The following RBFOX1 variants were observed in gnomAD, a reference collection of about 807,000 sequenced individuals.
RBFOX1 encodes the protein RNA binding fox-1 homolog 1.
RBFOX1 carries 8 observed loss-of-function variants against 57.7 expected under a neutral mutation model. The ratio of observed to expected loss-of-function variants is 0.14; its 90% CI spans 0.08 to 0.25. The LOEUF is 0.25. Ranked by LOEUF, RBFOX1 falls within the 10% of genes least tolerant of loss-of-function variation. The probability of loss-of-function intolerance (pLI) is 1.00; values close to 1 mark genes in which losing one functional copy is unlikely to be tolerated. For synonymous variants in RBFOX1, 326 were observed against 222.4 expected (o/e 1.47, Z -4.15); for missense variants, 611 against 548.5 (o/e 1.11, Z -1.14).
At chr16:6,455,556 T>G (rs1350313863) in intron 2 of RBFOX1, among the ~76,000 whole-genome samples, 2 of 152,172 alleles carry the variant, frequency 1.3e-5, no homozygotes, top group African/African-American at 4.8e-5. Flanking sequence ...ATGAAAACGA[T>G]CACCATAAAA....
intron 2 of RBFOX1, among the ~76,000 whole-genome samples, chr16:6,335,411 A>G (rs1251759931): frequency 2.0e-5 from 3 of 152,188 alleles, no homozygotes; most frequent in Admixed American, 6.5e-5. Context: ...GAAATGTGCT[A>G]TTGGTAAATA....
intron 1 of RBFOX1, among the ~76,000 whole-genome samples, chr16:6,176,829 G>T (rs1322625073): frequency 6.6e-6 from 1 of 152,122 alleles, no homozygotes; most frequent in Admixed American, 6.6e-5. Context: ...CTTACTGGGG[G>T]AGTGCTTGCT....
intron 4 of RBFOX1, among the ~76,000 whole-genome samples, chr16:7,513,590 C>G (rs141565708): frequency 8.1e-4 from 123 of 152,258 alleles, no homozygotes; most frequent in African/African-American, 2.9e-3. Flanking sequence ...TGGCCTCCAC[C>G]CACTAGATGG....
At chr16:7,158,947 C>A (rs994449485) in intron 4 of RBFOX1, among the ~76,000 whole-genome samples, 36 of 151,946 alleles carry the variant, frequency 2.4e-4, no homozygotes, top group African/African-American at 8.5e-4. Flanking sequence ...TTTCATGTGG[C>A]CACCAACACA....
At chr16:6,937,401 C>CTT (rs377139239) in intron 3 of RBFOX1, among the ~76,000 whole-genome samples, 30 of 151,466 alleles carry the variant, frequency 2.0e-4, no homozygotes, top group African/African-American at 7.3e-4. Flanking sequence ...TTAATGTAGA[C>CTT]TTTTTTTTTA....
chr16:7,013,834 A>C (rs1430307702), intron 3 of RBFOX1, among the ~76,000 whole-genome samples: 1 of 152,020 alleles, frequency 6.6e-6, no homozygotes, highest in Non-Finnish European at 1.5e-5. Flanking sequence ...ATTTTTTAAA[A>C]ACTTGTAGAA....
chr16:5,999,890 AAAAAAAAAAAAAAAAAAGAG>A lies in RBFOX1; in HGVS notation c.351+132556_351+132575del, dbSNP rs2060561891. Among the ~76,000 whole-genome samples, 2 of 79,632 alleles carry A rather than the reference AAAAAAAAAAAAAAAAAAGAG, an allele frequency of 2.5e-5. 1 individual carries two copies. Among genetic ancestry groups the A allele is most frequent in the Non-Finnish European group, 5.8e-5 (2 of 34,782 alleles). 52.2% of individuals were successfully genotyped at this position (79,632 alleles called of 152,430 possible). On this transcript the variant is annotated intron_variant, in intron 4 of 19. Transcript: ENST00000641259. ...CTCAAAAAAAAAAAAAAAAAAAAAA[AAAAAAAAAAAAAAAAAAGAG>A]TGAAGAAGGGAAATCAGACAAGGAA...
intron 4 of RBFOX1, among the ~76,000 whole-genome samples, chr16:7,184,563 C>A (rs1469832961): frequency 6.6e-6 from 1 of 152,176 alleles, no homozygotes; most frequent in Non-Finnish European, 1.5e-5. Context: ...TTGGCTGTGC[C>A]TTTGTGACAA....
intron 4 of RBFOX1, among the ~76,000 whole-genome samples, chr16:7,412,171 C>G (rs968228959): frequency 1.3e-5 from 2 of 152,086 alleles, no homozygotes; most frequent in Non-Finnish European, 2.9e-5. Flanking sequence ...CCGTCGCTCA[C>G]GGCTGTAATC....
intron 4 of RBFOX1, among the ~76,000 whole-genome samples, chr16:7,293,272 A>G (rs538751982): frequency 6.6e-6 from 1 of 152,300 alleles, no homozygotes; most frequent in East Asian, 1.9e-4. Flanking sequence ...TTTGCATTGT[A>G]TTAGTAAACC....
chr16:7,367,889 C>CAG (rs2097487782), intron 4 of RBFOX1, among the ~76,000 whole-genome samples: 2 of 141,978 alleles, frequency 1.4e-5, no homozygotes, highest in Non-Finnish European at 3.1e-5. Context: ...CGTGCATACA[C>CAG]ACACACACAC....
chr16:7,527,809 T>A (rs2079039006), intron 5 of RBFOX1, among the ~76,000 whole-genome samples: 1 of 152,190 alleles, frequency 6.6e-6, no homozygotes, highest in African/African-American at 2.4e-5. Context: ...ACAGTACCCA[T>A]AATGAGAAAT....
intron 4 of RBFOX1, among the ~76,000 whole-genome samples, chr16:7,335,479 T>G (rs775399416): frequency 3.9e-5 from 6 of 152,180 alleles, no homozygotes; most frequent in Non-Finnish European, 5.9e-5. Context: ...TCAAGGTCTT[T>G]CCAACCTCAA....
intron 4 of RBFOX1, among the ~76,000 whole-genome samples, chr16:7,116,176 C>T (rs1019485568): frequency 2.6e-5 from 4 of 152,092 alleles, no homozygotes; most frequent in African/African-American, 7.2e-5. Context: ...ATTTTTCTCC[C>T]GTTCACCAGT....
chr16:7,446,749 C>G (rs1277474535), intron 4 of RBFOX1, among the ~76,000 whole-genome samples: 1 of 147,372 alleles, frequency 6.8e-6, no homozygotes, highest in East Asian at 2.1e-4. Flanking sequence ...CCTCCACTGT[C>G]AACTTAAGCT....
chr16:5,874,008 A>G (rs1355801624), intron 4 of RBFOX1, among the ~76,000 whole-genome samples: 1 of 152,224 alleles, frequency 6.6e-6, no homozygotes, highest in African/African-American at 2.4e-5. Context: ...CAGAAGGAAC[A>G]CAGAAGAACC....
At chr16:7,193,633 A>G (rs117414915) in intron 4 of RBFOX1, among the ~76,000 whole-genome samples, 2 of 152,186 alleles carry the variant, frequency 1.3e-5, no homozygotes, top group Non-Finnish European at 2.9e-5. Flanking sequence ...ATTCTGCTTT[A>G]TAACTGAGGA....
At chr16:6,878,519 T>C (rs1285910007) in intron 3 of RBFOX1, among the ~76,000 whole-genome samples, 3 of 152,312 alleles carry the variant, frequency 2.0e-5, no homozygotes, top group Admixed American at 1.3e-4. Flanking sequence ...ACTTTTGTTA[T>C]TCCTGGACCT....
At chr16:7,492,716 A>G (rs1331725832) in intron 4 of RBFOX1, among the ~76,000 whole-genome samples, 2 of 151,932 alleles carry the variant, frequency 1.3e-5, no homozygotes, top group Admixed American at 1.3e-4. Flanking sequence ...GTGGCATGAT[A>G]GTGAATTGTT....
Sources: allele counts gnomAD v4.1 joint callset (sites outside exome capture counted in the v4.1 genomes callset), GRCh38; gene constraint gnomAD v4.1.1; transcripts MANE v1.5; gene names NCBI Gene and HGNC (gene_info 2026-07-23, HGNC 2026-07-21).